DHX58: variants seen among roughly 807,000 people sequenced by gnomAD.
The protein encoded by DHX58 is DExH-box helicase 58, also known as ATP-dependent RNA helicase DHX58.
In DHX58, 51 loss-of-function variants were observed where a neutral mutation model predicts 65.0. That is an observed-to-expected ratio of 0.78 (90% CI 0.63 to 0.99). DHX58 has a LOEUF of 0.99. Among genes scored for constraint, DHX58 ranks in the 50% least tolerant of loss-of-function variants. The probability of loss-of-function intolerance (pLI) is 0.00; values close to 1 mark genes in which losing one functional copy is unlikely to be tolerated. For synonymous variants in DHX58, 350 were observed against 365.0 expected (o/e 0.96, Z 0.47); for missense variants, 773 against 891.8 (o/e 0.87, Z 1.70).
intron 12 of DHX58, 151 bp from the exon 13 acceptor site, chr17:42,102,463 G>C (rs1171233716): frequency 3.0e-6 from 2 of 669,624 alleles, no homozygotes; most frequent in Non-Finnish European, 5.3e-6. Flanking sequence ...CCAATCTTTG[G>C]TGAGTTCTAC....
chr17:42,104,684 G>C, intron 11 of DHX58, 82 bp downstream of exon 11: 1 of 1,548,524 alleles, frequency 6.5e-7, no homozygotes, highest in Non-Finnish European at 8.7e-7. Flanking sequence ...ACAGGGGGAC[G>C]TATGTGTGCA....
chr17:42,101,868 G>T lies in DHX58; in HGVS notation c.1930C>A (p.Gln644Lys), dbSNP rs2053984112. 6.2e-7 allele frequency: 1 copy of T among 1,614,242 alleles called. No homozygotes were observed. The highest frequency in any genetic ancestry group is 8.5e-7 in the Non-Finnish European group (1 of 1,180,014). ...KVRSMLLETP[Q>K]GRIQAKKWSR... is the part of the protein sequence containing the mutation. ...CACTTTTTGGCCTGGATCCGCCCCT[G>T]AGGGGTCTCCAGCAGCATGCTGCGG... is the stretch of plus-strand genomic sequence containing the variant. Residue 644 changes from glutamine (Q) to lysine (K), a missense_variant, in exon 14 of 14, where the codon CAG becomes AAG. By Grantham distance (53) the Gln-to-Lys change is moderately conservative. Transcript: ENST00000251642.
Position 42,101,584 on chromosome 17 carries a change from G to T in DHX58, c.*177C>A. 1 of 750,520 alleles carries T rather than the reference G, an allele frequency of 1.3e-6. No individual in the cohort carries two copies. The highest frequency in any genetic ancestry group is 2.2e-6 in the Non-Finnish European group (1 of 464,458). 46.5% of individuals were successfully genotyped at this position (750,520 alleles called of 1,614,324 possible). ...TGCGTACAAGGTAGGTCTGGACTAA[G>T]CTCTGGCCCTCCGGTTGTTTTCCCA... is the stretch of plus-strand genomic sequence containing the variant. On this transcript the variant is annotated 3_prime_UTR_variant, in exon 14 of 14. Coordinates refer to ENST00000251642, the MANE Select transcript of DHX58 (RefSeq NM_024119.3).
At position 42,102,159 on chromosome 17, in the gene DHX58, G is replaced by A. The variant is rs369552739; in HGVS notation, c.1851+57C>T. 19 of 1,583,438 alleles carry A rather than the reference G, an allele frequency of 1.2e-5. No individual in the cohort carries two copies. The African/African-American group carries it at 2.2e-4, about 18-fold the overall frequency. Reference sequence around the variant, plus strand: ...GTGTCCTAGTGAGGGCTCCCTGAGGGCCTCTGAAGACTGGGGCTGAGGACT... The same window carrying A: ...GTGTCCTAGTGAGGGCTCCCTGAGGACCTCTGAAGACTGGGGCTGAGGACT... On this transcript the variant is annotated intron_variant, in intron 13 of 13. Transcript: ENST00000251642.
rs185739179 is a variant in DHX58 at position 42,111,998 on chromosome 17, C to T, written c.-1-105G>A. On this transcript the variant is annotated intron_variant, in intron 2 of 13. Transcript: ENST00000251642. Reference sequence around the variant, plus strand: ...TCCCTTTGCCCAGGACTCCACCCCACTTGAGGGAGGTGGGGCAGGACTCCC... The same window carrying T: ...TCCCTTTGCCCAGGACTCCACCCCATTTGAGGGAGGTGGGGCAGGACTCCC... 4.9e-5 allele frequency: 69 copies of T among 1,416,178 alleles called. 2 individuals carry two copies. In the Admixed American group the frequency reaches 1.3e-3, roughly 26 times the overall value. 87.7% of individuals were successfully genotyped at this position (1,416,178 alleles called of 1,614,324 possible). A position where few individuals can be genotyped will look rare whatever the true frequency, so the allele number is the denominator to read the frequency against.
rs545286150 is a variant in DHX58 at position 42,109,512 on chromosome 17, C to T, written c.562-126G>A. The T allele has an allele frequency of 8.5e-5, 63 of 744,204 alleles. No individual in the cohort carries two copies. The African/African-American group carries it at 9.1e-4, about 11-fold the overall frequency. The allele number at this position is 744,204 out of a possible 1,614,324, so 46.1% of individuals were successfully genotyped here. A position where few individuals can be genotyped will look rare whatever the true frequency, so the allele number is the denominator to read the frequency against. ...GGCATTCGTCTACTCAAATATTGCT[C>T]GCCCTCTCTGTGCCCGTCTTGTTCT... On this transcript the variant is annotated intron_variant, in intron 5 of 13. Transcript: ENST00000251642.
intron 3 of DHX58, 23 bp from the exon 4 acceptor site, chr17:42,111,520 G>A (rs372855552): frequency 1.3e-4 from 209 of 1,611,630 alleles, no homozygotes; most frequent in Non-Finnish European, 3.4e-5. Flanking sequence ...AATGAGCTGG[G>A]AAAAGAGAGC....
intron 6 of DHX58, among the ~76,000 whole-genome samples, chr17:42,108,866 C>T (rs1323143158): frequency 6.6e-6 from 1 of 152,288 alleles, no homozygotes; most frequent in Admixed American, 6.5e-5. Context: ...CTCCAGACCA[C>T]AGCATGGGCT....
chr17:42,103,655 C>T lies in DHX58; in HGVS notation c.1707G>A (p.Leu569=), dbSNP rs1555661951. The T allele has an allele frequency of 1.2e-6, 2 of 1,613,932 alleles. No homozygotes were observed. Among genetic ancestry groups the T allele is most frequent in the African/African-American group, 2.7e-5 (2 of 74,934 alleles). The change falls in exon 12 of 14, where the codon CTG becomes CTA. Residue 569 remains leucine, a synonymous_variant. Transcript: ENST00000251642. ...CMVAVGHGSD[L]RKVEGTHHVN... ...CATGGTGGGTGCCCTCCACCTTCCG[C>T]AGGTCGCTGCCATGGCCCACAGCCA...
Position 42,105,212 on chromosome 17 carries a change from A to C in DHX58, c.1252-45T>G, listed in dbSNP as rs781878202. ...AGGAGAAAGAGGCTGGTACATGAGG[A>C]GGCTCAGACTGACTCCACCTGCCAG... On this transcript the variant is annotated intron_variant, in intron 9 of 13. Coordinates refer to ENST00000251642, the MANE Select transcript of DHX58 (RefSeq NM_024119.3). 4 of 1,546,830 alleles carry C rather than the reference A, an allele frequency of 2.6e-6. No homozygotes were observed. The Admixed American group carries it at 8.0e-5, about 31-fold the overall frequency.
chr17:42,104,842 T>C lies in DHX58; in HGVS notation c.1487A>G (p.Asn496Ser). The C allele has an allele frequency of 6.2e-7, 1 of 1,614,138 alleles. No homozygotes were observed. The highest frequency in any genetic ancestry group is 8.5e-7 in the Non-Finnish European group (1 of 1,179,988). ...GSRELKRELINEALETLMEQA... is the reference protein window; with the variant it reads ...GSRELKRELISEALETLMEQA... ...CTCCATCAGCGTCTCCAGCGCCTCG[T>C]TGATCAGCTCCCGCTTCAGCTCCCG... Residue 496 changes from asparagine to serine, a missense_variant, in exon 11 of 14, where the codon AAC becomes AGC. Transcript: ENST00000251642.
At position 42,101,699 on chromosome 17, in the gene DHX58, G is replaced by A; in HGVS notation, c.*62C>T. On this transcript the variant is annotated 3_prime_UTR_variant, in exon 14 of 14. Transcript: ENST00000251642. Reference sequence around the variant, plus strand: ...TGATGATTCAGGAAGGAGGGGCCTGGAGTCTGCTGCAGACTCTCCCGCCCC... The same window carrying A: ...TGATGATTCAGGAAGGAGGGGCCTGAAGTCTGCTGCAGACTCTCCCGCCCC... The A allele has an allele frequency of 2.5e-6, 4 of 1,575,162 alleles. No homozygotes were observed. The highest frequency in any genetic ancestry group is 3.5e-6 in the Non-Finnish European group (4 of 1,155,450).
chr17:42,110,885 G>A lies in DHX58; in HGVS notation c.399C>T (p.Cys133=), dbSNP rs1555663980. The change falls in exon 5 of 14, where the codon TGC becomes TGT. Residue 133 remains cysteine, a synonymous_variant. Coordinates refer to ENST00000251642, the MANE Select transcript of DHX58 (RefSeq NM_024119.3). The part of the protein sequence containing the change: ...TVFSLIVVDE[C]HHTHKDTVYN... ...AGACGGTGTCCTTGTGCGTGTGGTG[G>A]CACTCATCCACCACGATCAGGGAGA... 1 of 1,611,864 alleles carries A rather than the reference G, an allele frequency of 6.2e-7. No individual in the cohort carries two copies. The highest frequency in any genetic ancestry group is 8.5e-7 in the Non-Finnish European group (1 of 1,178,898).
chr17:42,103,934 C>G, intron 11 of DHX58, 136 bp from the exon 12 acceptor site: 1 of 999,336 alleles, frequency 1.0e-6, no homozygotes, highest in Non-Finnish European at 1.4e-6. Flanking sequence ...TTAAAAGAAG[C>G]TCTATTGCTG....
chr17:42,110,186 C>CAA (rs11318535), intron 5 of DHX58, among the ~76,000 whole-genome samples: 2 of 110,338 alleles, frequency 1.8e-5, no homozygotes, highest in African/African-American at 3.3e-5. Flanking sequence ...GACTCCATCT[C>CAA]AAAAAAAAAA....
At chr17:42,106,435 G>C (rs1462097988) in intron 8 of DHX58, among the ~76,000 whole-genome samples, 1 of 133,510 alleles carries the variant, frequency 7.5e-6, no homozygotes, top group Non-Finnish European at 1.6e-5. Context: ...TGCAGAAGGT[G>C]GGGGGTGGGG....
chr17:42,107,794 C>G lies in DHX58; in HGVS notation c.807G>C (p.Ala269=). ...GTTGCTCCTGAAGCCCAGCCAAAGCCGCTGCGGGAAGAGGGCGCAGGGTCT... is the reference window on the plus strand; with the variant it reads ...GTTGCTCCTGAAGCCCAGCCAAAGCGGCTGCGGGAAGAGGGCGCAGGGTCT... ...EQQVVKLSEA[A]ALAGLQEQRV... The change falls in exon 8 of 14, where the codon GCG becomes GCC. Residue 269 remains alanine (A), a splice_region_variant and synonymous_variant. Transcript: ENST00000251642. The G allele has an allele frequency of 6.4e-7, 1 of 1,571,470 alleles. No individual in the cohort carries two copies. The highest frequency in any genetic ancestry group is 8.6e-7 in the Non-Finnish European group (1 of 1,157,410).
rs2054052211 is a variant in DHX58 at position 42,105,988 on chromosome 17, G to A, written c.999C>T (p.Asp333=). The A allele has an allele frequency of 6.2e-7, 1 of 1,611,582 alleles. No individual in the cohort carries two copies. Among genetic ancestry groups the A allele is most frequent in the African/African-American group, 1.3e-5 (1 of 74,938 alleles). ...AERRLLALFD[D]RKNELAHLAT... is the part of the protein sequence containing the mutation. ...CCAAGTGGGCCAGCTCATTCTTGCG[G>A]TCTGTCAAAAACCCCAAAATTTAGC... Residue 333 remains aspartate, a splice_region_variant and synonymous_variant, in exon 9 of 14, where the codon GAC becomes GAT. Coordinates refer to ENST00000251642, the MANE Select transcript of DHX58 (RefSeq NM_024119.3).
Position 42,105,887 on chromosome 17 carries a change from C to T in DHX58, c.1100G>A (p.Ser367Asn), listed in dbSNP as rs1555662558. ...ILQRQFSSSN[S>N]PRGIIFTRTR... ...GCGGGTGAAGATGATACCCCGAGGG[C>T]TGTTAGAGCTACTGAACTGCCTTTG... Residue 367 changes from serine (S) to asparagine (N), a missense_variant, in exon 9 of 14, where the codon AGC becomes AAC. Transcript: ENST00000251642. 6.2e-7 allele frequency: 1 copy of T among 1,613,940 alleles called. No homozygotes were observed. Among genetic ancestry groups the T allele is most frequent in the Non-Finnish European group, 8.5e-7 (1 of 1,180,024 alleles).
Sources: gnomAD v4.1 joint callset for allele counts (sites outside exome capture counted in the v4.1 genomes callset) on GRCh38, gnomAD v4.1.1 for gene constraint, MANE v1.5 for transcripts, NCBI Gene and HGNC (gene_info 2026-07-23, HGNC 2026-07-21) for gene names.